NELL1: variants seen among roughly 807,000 people sequenced by gnomAD.
NELL1 encodes neural EGFL like 1, also known as protein kinase C-binding protein NELL1.
Under a neutral mutation model 107.4 loss-of-function variants are expected in NELL1, and 76 were observed. The ratio of observed to expected loss-of-function variants is 0.71; its 90% CI spans 0.59 to 0.86. The LOEUF (loss-of-function observed/expected upper bound fraction) is 0.86, where lower values mean the gene tolerates loss of function less well. Among genes scored for constraint, NELL1 ranks in the 40% least tolerant of loss-of-function variants. The pLI is 0.00. For missense variants in NELL1, 1,024 were observed against 1,005.5 expected, an observed-to-expected ratio of 1.02 and a Z score of -0.25; for synonymous variants, 353 against 341.2, an observed-to-expected ratio of 1.03 and a Z score of -0.38.
intron 13 of NELL1, among the ~76,000 whole-genome samples, chr11:21,217,849 G>T (rs1424872972): frequency 6.6e-6 from 1 of 152,132 alleles, no homozygotes; most frequent in African/African-American, 2.4e-5. Context: ...GTCCTGATTG[G>T]TTTACTAAGG....
chr11:21,434,749 T>G (rs560648420), intron 15 of NELL1, among the ~76,000 whole-genome samples: 1 of 152,276 alleles, frequency 6.6e-6, no homozygotes, highest in South Asian at 2.1e-4. Context: ...GTTATTGGTA[T>G]TTTGATGGGT....
At chr11:21,199,567 G>T (rs1165592280) in intron 13 of NELL1, among the ~76,000 whole-genome samples, 3 of 152,074 alleles carry the variant, frequency 2.0e-5, no homozygotes, top group Admixed American at 6.6e-5. Flanking sequence ...TGTAGTTTGA[G>T]TCTGGCTAGT....
intron 2 of NELL1, among the ~76,000 whole-genome samples, chr11:20,679,222 T>C (rs921178013): frequency 1.3e-5 from 2 of 152,196 alleles, no homozygotes; most frequent in African/African-American, 4.8e-5. Flanking sequence ...CTCTTGCCCA[T>C]AGGCCACTTA....
intron 16 of NELL1, among the ~76,000 whole-genome samples, chr11:21,544,006 T>C (rs1485718518): frequency 1.3e-5 from 2 of 152,008 alleles, no homozygotes; most frequent in African/African-American, 4.8e-5. Context: ...CTGTCTATTA[T>C]CTTTTCATTC....
intron 14 of NELL1, among the ~76,000 whole-genome samples, chr11:21,329,572 C>A (rs1850226507): frequency 6.6e-6 from 1 of 152,136 alleles, no homozygotes; most frequent in Admixed American, 6.6e-5. Context: ...AGAATCTACT[C>A]ACTTAGCATG....
intron 2 of NELL1, among the ~76,000 whole-genome samples, chr11:20,703,191 G>A (rs957179770): frequency 6.6e-6 from 1 of 152,114 alleles, no homozygotes; most frequent in African/African-American, 2.4e-5. Flanking sequence ...GCCTGTTACT[G>A]GTCTATTCAG....
At chr11:20,953,206 C>T (rs529441413) in intron 11 of NELL1, among the ~76,000 whole-genome samples, 5 of 152,222 alleles carry the variant, frequency 3.3e-5, no homozygotes, top group African/African-American at 9.6e-5. Context: ...GAGGTATTGA[C>T]GTTCTAAGAT....
At chr11:21,196,612 C>T (rs953562839) in intron 13 of NELL1, among the ~76,000 whole-genome samples, 2 of 152,092 alleles carry the variant, frequency 1.3e-5, no homozygotes, top group Non-Finnish European at 2.9e-5. Context: ...TTAGTAACCT[C>T]ATCACTCTCC....
chr11:21,337,837 T>TTTCTTTTC (rs71034505), intron 14 of NELL1, among the ~76,000 whole-genome samples: 1,122 of 86,394 alleles, frequency 0.013, 9 homozygotes, highest in Middle Eastern at 0.03. Context: ...TCTTTCTTTC[T>TTTCTTTTC]TTTCTTTCTT....
At chr11:21,339,539 C>A (rs1380358296) in intron 14 of NELL1, among the ~76,000 whole-genome samples, 1 of 152,168 alleles carries the variant, frequency 6.6e-6, no homozygotes, top group Non-Finnish European at 1.5e-5. Context: ...TGGTACATTT[C>A]TTTTCATCGT....
intron 2 of NELL1, among the ~76,000 whole-genome samples, chr11:20,725,228 C>G (rs1855482419): frequency 6.6e-6 from 1 of 152,228 alleles, no homozygotes; most frequent in Non-Finnish European, 1.5e-5. Flanking sequence ...AAAAATTCAT[C>G]TGTTGACTCC....
At chr11:21,319,218 C>G (rs931829956) in intron 14 of NELL1, among the ~76,000 whole-genome samples, 1 of 151,556 alleles carries the variant, frequency 6.6e-6, no homozygotes, top group African/African-American at 2.4e-5. Flanking sequence ...CTATGTCACC[C>G]AGGCTGGAGT....
At chr11:20,682,487 T>C (rs1021569623) in intron 2 of NELL1, among the ~76,000 whole-genome samples, 3 of 152,180 alleles carry the variant, frequency 2.0e-5, no homozygotes, top group South Asian at 4.1e-4. Context: ...GTAATTGATA[T>C]GTATGTTGAT....
At chr11:21,405,184 CTT>C (rs1852204592) in intron 15 of NELL1, among the ~76,000 whole-genome samples, 1 of 103,860 alleles carries the variant, frequency 9.6e-6, no homozygotes, top group African/African-American at 3.8e-5. Flanking sequence ...ACATAAGCCA[CTT>C]TGATGCACTA....
At chr11:21,044,924 C>G (rs1853320523) in intron 12 of NELL1, among the ~76,000 whole-genome samples, 1 of 152,104 alleles carries the variant, frequency 6.6e-6, no homozygotes, top group South Asian at 2.1e-4. Context: ...CTCTGACACT[C>G]TACACAGCTG....
chr11:21,492,233 AG>A (rs1479819632), intron 15 of NELL1, among the ~76,000 whole-genome samples: 1 of 152,142 alleles, frequency 6.6e-6, no homozygotes, highest in Admixed American at 6.5e-5. Flanking sequence ...ATCATTAAAA[AG>A]TCAGGAAACA....
chr11:20,870,927 C>T (rs914182525), intron 4 of NELL1, among the ~76,000 whole-genome samples: 2 of 152,104 alleles, frequency 1.3e-5, no homozygotes, highest in Admixed American at 1.3e-4. Context: ...GGTGTGCTTG[C>T]TACAAAGCAG....
rs1041974252 is a variant in NELL1 at position 20,992,318 on chromosome 11, C to A, written c.1300+31758C>A. Among the ~76,000 whole-genome samples the A allele has an allele frequency of 3.9e-5, 6 of 152,174 alleles. No individual in the cohort carries two copies. The South Asian group carries it at 6.2e-4, about 16-fold the overall frequency. On this transcript the variant is annotated intron_variant, in intron 12 of 19. Coordinates refer to ENST00000357134, the MANE Select transcript of NELL1 (RefSeq NM_006157.5). ...AATTCGTTACATATTTCACTGCTGTCCAGGATGCTGGATGCTAGGATTTGC... is the reference window on the plus strand; with the variant it reads ...AATTCGTTACATATTTCACTGCTGTACAGGATGCTGGATGCTAGGATTTGC...
chr11:20,922,967 A>G (rs1026014008), intron 7 of NELL1, among the ~76,000 whole-genome samples: 2 of 152,162 alleles, frequency 1.3e-5, no homozygotes, highest in Non-Finnish European at 2.9e-5. Flanking sequence ...CCTAGAAAAT[A>G]TAGACAACCA....
Sources: allele counts gnomAD v4.1 joint callset (sites outside exome capture counted in the v4.1 genomes callset), GRCh38; gene constraint gnomAD v4.1.1; transcripts MANE v1.5; gene names NCBI Gene and HGNC (gene_info 2026-07-23, HGNC 2026-07-21).